PCDH15: variants seen among roughly 807,000 people sequenced by gnomAD.
PCDH15 encodes the protein protocadherin-15.
Under a neutral mutation model 178.5 loss-of-function variants are expected in PCDH15, and 129 were observed. That is an observed-to-expected ratio of 0.72 (90% CI 0.63 to 0.84). The LOEUF is 0.84. PCDH15 is among the 40% of genes least tolerant of loss of function. PCDH15 has a pLI of 0.00. For missense variants in PCDH15, 2,230 were observed against 2,099.9 expected (o/e 1.06, Z -1.21); for synonymous variants, 800 against 732.0 (o/e 1.09, Z -1.50).
At chr10:53,821,745 T>A (rs1389597362) in intron 32 of PCDH15, 36 of 1,544,200 alleles carry the variant, frequency 2.3e-5, no homozygotes, top group Non-Finnish European at 3.0e-5. Flanking sequence ...AAAACTGCAT[T>A]TCATTGAATT....
At chr10:55,307,025 C>T (rs1843444357) in intron 1 of PCDH15, among the ~76,000 whole-genome samples, 1 of 151,176 alleles carries the variant, frequency 6.6e-6, no homozygotes, top group East Asian at 1.9e-4. Context: ...CATTAAGCTT[C>T]CTAAAGGAAT....
chr10:54,950,058 A>G (rs1838298062), intron 2 of PCDH15, among the ~76,000 whole-genome samples: 1 of 151,996 alleles, frequency 6.6e-6, no homozygotes, highest in East Asian at 1.9e-4. Context: ...ATTTTTGGAT[A>G]TCTTTACAGC....
chr10:54,724,010 C>A (rs1274142875), intron 1 of PCDH15, among the ~76,000 whole-genome samples: 1 of 151,750 alleles, frequency 6.6e-6, no homozygotes, highest in African/African-American at 2.4e-5. Context: ...AGTAGAACTA[C>A]CGTTCAACCC....
chr10:55,187,268 T>C (rs1244891049), intron 1 of PCDH15, among the ~76,000 whole-genome samples: 3 of 152,074 alleles, frequency 2.0e-5, no homozygotes, highest in Admixed American at 6.6e-5. Flanking sequence ...AAACTCAGTA[T>C]TAATTTTTTC....
chr10:55,395,150 G>A, intron 2 of PCDH15, among the ~76,000 whole-genome samples: 1 of 149,946 alleles, frequency 6.7e-6, no homozygotes, highest in Non-Finnish European at 1.5e-5. Flanking sequence ...GATGACTACA[G>A]ACATTTCTAT....
intron 9 of PCDH15, among the ~76,000 whole-genome samples, chr10:54,220,507 T>G (rs965711121): frequency 6.6e-6 from 1 of 152,150 alleles, no homozygotes; most frequent in African/African-American, 2.4e-5. Context: ...GGAAGGTTGG[T>G]TTTTAGACAT....
chr10:54,950,930 T>A (rs1192520349), intron 2 of PCDH15, among the ~76,000 whole-genome samples: 3 of 151,966 alleles, frequency 2.0e-5, no homozygotes, highest in Non-Finnish European at 4.4e-5. Context: ...AGAAGTCTTA[T>A]ATTTACAGAA....
intron 2 of PCDH15, among the ~76,000 whole-genome samples, chr10:55,030,297 C>T (rs1591845729): frequency 6.6e-6 from 1 of 152,254 alleles, no homozygotes; most frequent in East Asian, 1.9e-4. Context: ...TGCCAGAGGG[C>T]TGAGGAATCA....
chr10:55,180,488 C>T (rs1839618352), intron 1 of PCDH15, among the ~76,000 whole-genome samples: 1 of 152,122 alleles, frequency 6.6e-6, no homozygotes, highest in Admixed American at 6.6e-5. Context: ...TGTATTAATT[C>T]ACTCATCTAT....
intron 26 of PCDH15, among the ~76,000 whole-genome samples, chr10:53,870,823 C>A (rs1379565793): frequency 1.3e-5 from 2 of 152,094 alleles, no homozygotes; most frequent in Admixed American, 1.3e-4. Context: ...GATACGATAT[C>A]TTTAAATACA....
intron 1 of PCDH15, among the ~76,000 whole-genome samples, chr10:55,276,192 CT>C: frequency 6.7e-6 from 1 of 150,196 alleles, no homozygotes; most frequent in African/African-American, 2.4e-5. Context: ...TAACTTTTTT[CT>C]TAAAAGAACT....
intron 3 of PCDH15, among the ~76,000 whole-genome samples, chr10:54,487,309 A>C (rs2079178539): frequency 6.6e-6 from 1 of 151,952 alleles, no homozygotes; most frequent in South Asian, 2.1e-4. Context: ...CATGGACGTA[A>C]AGTGTGGAAT....
At chr10:55,560,281 T>A (rs1842171202) in intron 2 of PCDH15, among the ~76,000 whole-genome samples, 1 of 151,870 alleles carries the variant, frequency 6.6e-6, no homozygotes, top group Non-Finnish European at 1.5e-5. Flanking sequence ...ATGCACAATA[T>A]TTTACAATCC....
chr10:55,316,795 G>A (rs1416114733), intron 1 of PCDH15, among the ~76,000 whole-genome samples: 1 of 152,040 alleles, frequency 6.6e-6, no homozygotes, highest in Non-Finnish European at 1.5e-5. Context: ...TTGAAAATGA[G>A]AAAATAAAAG....
intron 3 of PCDH15, among the ~76,000 whole-genome samples, chr10:54,835,268 AT>A (rs1452947146): frequency 2.0e-5 from 3 of 152,152 alleles, no homozygotes; most frequent in Non-Finnish European, 4.4e-5. Context: ...TAATATTAAT[AT>A]TTTTTAAGCA....
chr10:55,488,706 A>G (rs1589075194), intron 2 of PCDH15, among the ~76,000 whole-genome samples: 1 of 151,718 alleles, frequency 6.6e-6, no homozygotes, highest in East Asian at 2.0e-4. Context: ...AATTTTACAT[A>G]AAGAAGAACA....
chr10:55,387,838 C>T (rs1837699273), intron 2 of PCDH15, among the ~76,000 whole-genome samples: 1 of 151,864 alleles, frequency 6.6e-6, no homozygotes, highest in Non-Finnish European at 1.5e-5. Flanking sequence ...TAGAACACAC[C>T]GTGGTATTTT....
chr10:54,023,512 A>G (rs1274388830), intron 18 of PCDH15, among the ~76,000 whole-genome samples: 1 of 149,050 alleles, frequency 6.7e-6, no homozygotes, highest in Non-Finnish European at 1.5e-5. Flanking sequence ...TTCTAAAGTG[A>G]GAAAAAATTT....
At chr10:54,423,983 G>A (rs1955892288) in intron 3 of PCDH15, among the ~76,000 whole-genome samples, 2 of 151,854 alleles carry the variant, frequency 1.3e-5, no homozygotes, top group East Asian at 3.9e-4. Flanking sequence ...AGCACCAAAA[G>A]CAATGGCAAC....
Sources: allele counts gnomAD v4.1 joint callset (sites outside exome capture counted in the v4.1 genomes callset), GRCh38; gene constraint gnomAD v4.1.1; transcripts MANE v1.5; gene names NCBI Gene and HGNC (gene_info 2026-07-23, HGNC 2026-07-21).